DTX2: variants seen among roughly 807,000 people sequenced by gnomAD.
DTX2 encodes the protein deltex E3 ubiquitin ligase 2.
In DTX2, 29 loss-of-function variants were observed where a neutral mutation model predicts 55.3. The observed-to-expected ratio is 0.52, with a 90% CI of 0.39 to 0.71. DTX2 has a LOEUF of 0.71. DTX2 is among the 30% of genes least tolerant of loss of function. The pLI is 0.00. For synonymous variants in DTX2, 276 were observed against 340.4 expected (o/e 0.81, Z 2.08); for missense variants, 537 against 822.5 (o/e 0.65, Z 4.25).
At chr7:76,503,639 G>A (rs768094479) in intron 9 of DTX2, 52 bp downstream of exon 9, 74 of 1,495,508 alleles carry the variant, frequency 4.9e-5, no homozygotes, top group East Asian at 6.9e-5. Flanking sequence ...TTCCCACCCC[G>A]CCCACATCCC....
Position 76,497,338 on chromosome 7 carries a change from C to T in DTX2, c.1011C>T (p.Gly337=), listed in dbSNP as rs760164498. Residue 337 remains glycine (G), a splice_region_variant and synonymous_variant, in exon 6 of 11, where the codon GGC becomes GGT. Transcript: ENST00000430490. ...KPSRVQQALA[G]MTSVLMSAIG... The stretch of plus-strand genomic sequence containing the variant: ...GTGTCTGCTCTCACACCCGTGCAGG[C>T]ATGACGAGTGTTCTGATGTCAGCCA... 2 of 1,613,672 alleles carry T rather than the reference C, an allele frequency of 1.2e-6. No homozygotes were observed. The highest frequency in any genetic ancestry group is 1.7e-6 in the Non-Finnish European group (2 of 1,179,804).
rs1264442931 is a variant in DTX2, at chr7:76,487,889, T to C, written c.909-4264T>C. 9.6e-5 allele frequency among the ~76,000 whole-genome samples: 12 copies of C among 124,976 alleles called. 2 individuals carry two copies. Among genetic ancestry groups the C allele is most frequent in the Non-Finnish European group, 2.1e-4 (12 of 57,036 alleles). 82.0% of individuals were successfully genotyped at this position (124,976 alleles called of 152,430 possible). A position where few individuals can be genotyped will look rare whatever the true frequency, so the allele number is the denominator to read the frequency against. The stretch of plus-strand genomic sequence containing the variant: ...GGAGGAGGGTGCCTGAGGCCATGAC[T>C]ATAGGGACTTCTCAGAGAAGGACAC... On this transcript the variant is annotated intron_variant, in intron 4 of 10. Coordinates refer to ENST00000430490, the MANE Select transcript of DTX2 (RefSeq NM_001102594.3).
chr7:76,464,194 G>A (rs1244141715), intron 2 of DTX2, among the ~76,000 whole-genome samples: 1 of 151,614 alleles, frequency 6.6e-6, no homozygotes, highest in African/African-American at 2.4e-5. Flanking sequence ...GAAGGTGGTA[G>A]TTGAGGGGGG....
chr7:76,504,002 G>T (rs997417839), intron 9 of DTX2, among the ~76,000 whole-genome samples: 1 of 148,592 alleles, frequency 6.7e-6, no homozygotes, highest in Non-Finnish European at 1.5e-5. Flanking sequence ...AGGAGCCCAG[G>T]CACAAGGCCC....
chr7:76,469,780 C>T (rs1344707537), intron 2 of DTX2, among the ~76,000 whole-genome samples: 3 of 150,666 alleles, frequency 2.0e-5, no homozygotes, highest in East Asian at 3.9e-4. Flanking sequence ...CCAGTTTGTC[C>T]GTCGTCAGTC....
chr7:76,498,905 A>G (rs1172290151), intron 6 of DTX2, among the ~76,000 whole-genome samples: 4 of 16,186 alleles, frequency 2.5e-4, no homozygotes, highest in African/African-American at 8.5e-4. Flanking sequence ...GGAGGTGTGG[A>G]GTGTGTGTGG....
In DTX2 at chr7:76,480,782, G is replaced by A; in HGVS notation, c.268+5G>A. On this transcript the variant is annotated splice_donor_5th_base_variant and intron_variant, in intron 3 of 10. Coordinates refer to ENST00000430490, the MANE Select transcript of DTX2 (RefSeq NM_001102594.3). Reference sequence around the variant, plus strand: ...CCCAGTTCCGCCAGGACACCGGTAAGACGCTGTCTGCCTCTCGCACATATC... The same window carrying A: ...CCCAGTTCCGCCAGGACACCGGTAAAACGCTGTCTGCCTCTCGCACATATC... 6.3e-7 allele frequency: 1 copy of A among 1,589,896 alleles called. No individual in the cohort carries two copies. The highest frequency in any genetic ancestry group is 8.6e-7 in the Non-Finnish European group (1 of 1,166,972).
At position 76,505,756 on chromosome 7, in the gene DTX2, C is replaced by G; in HGVS notation, c.*155C>G. 1.3e-6 allele frequency: 1 copy of G among 755,720 alleles called. No homozygotes were observed. Among genetic ancestry groups the G allele is most frequent in the Admixed American group, 2.6e-5 (1 of 38,954 alleles). 46.8% of individuals were successfully genotyped at this position (755,720 alleles called of 1,614,324 possible). ...AAGCCGGGGCTCCCCCTGCCTGCCT[C>G]TCTCTCCTCCTCCCCTCTGGGAATT... On this transcript the variant is annotated 3_prime_UTR_variant, in exon 11 of 11. Coordinates refer to ENST00000430490, the MANE Select transcript of DTX2 (RefSeq NM_001102594.3). The surrounding 1 kb of genome is among the most constrained non-coding windows in gnomAD (Gnocchi z 4.4).
chr7:76,482,424 T>G, intron 3 of DTX2, 84 bp from the exon 4 acceptor site: 9 of 1,375,986 alleles, frequency 6.5e-6, no homozygotes, highest in Non-Finnish European at 9.0e-6. Flanking sequence ...ATTTGTTTAT[T>G]TTGGCGGTTG....
rs533420977 is a variant in DTX2 at position 76,501,440 on chromosome 7, G to A, written c.1231-858G>A. On this transcript the variant is annotated intron_variant, in intron 7 of 10. Coordinates refer to ENST00000430490, the MANE Select transcript of DTX2 (RefSeq NM_001102594.3). ...GTGTGACTGGGCCGTTTCACCCCAG[G>A]CTCCTCCTCTCCAAGCTGCCGTCTG... 913 of 332,948 alleles carry A rather than the reference G, an allele frequency of 2.7e-3. 1 individual carries two copies. Among genetic ancestry groups the A allele is most frequent in the Non-Finnish European group, 4.0e-3 (674 of 169,510 alleles). The allele number at this position is 332,948 out of a possible 1,614,324, so 20.6% of individuals were successfully genotyped here. A position where few individuals can be genotyped will look rare whatever the true frequency, so the allele number is the denominator to read the frequency against.
In DTX2 at chr7:76,505,648, A is replaced by G. The variant is rs373777117; in HGVS notation, c.*47A>G. 1.1e-5 allele frequency: 16 copies of G among 1,521,028 alleles called. No homozygotes were observed. Among genetic ancestry groups the G allele is most frequent in the Middle Eastern group, 1.7e-4 (1 of 5,942 alleles). 94.2% of individuals were successfully genotyped at this position (1,521,028 alleles called of 1,614,324 possible). On this transcript the variant is annotated 3_prime_UTR_variant, in exon 11 of 11. Transcript: ENST00000430490. The surrounding 1 kb of genome is among the most constrained non-coding windows in gnomAD (Gnocchi z 4.4). ...CCTCTGGTGGCCACCCCGCTGCCCCATGGCTGGCTGGGTGGCCAGGCAGGA... is the reference window on the plus strand; with the variant it reads ...CCTCTGGTGGCCACCCCGCTGCCCCGTGGCTGGCTGGGTGGCCAGGCAGGA...
chr7:76,475,159 A>T (rs1808407080), intron 2 of DTX2, among the ~76,000 whole-genome samples: 1 of 151,866 alleles, frequency 6.6e-6, no homozygotes, highest in South Asian at 2.1e-4. Flanking sequence ...ACAAAAAAAA[A>T]AATTAGCCGG....
At chr7:76,471,268 T>G (rs1385050165) in intron 2 of DTX2, among the ~76,000 whole-genome samples, 2 of 143,272 alleles carry the variant, frequency 1.4e-5, no homozygotes, top group African/African-American at 2.6e-5. Context: ...TTCACGCCAT[T>G]CTCCTGCCTC....
intron 5 of DTX2, among the ~76,000 whole-genome samples, chr7:76,495,701 G>T (rs1303479434): frequency 6.6e-6 from 1 of 151,176 alleles, no homozygotes; most frequent in Non-Finnish European, 1.5e-5. Context: ...TGCAGCTACG[G>T]GTGGGACCTC....
At chr7:76,466,436 C>T (rs1468256126) in intron 2 of DTX2, among the ~76,000 whole-genome samples, 1 of 150,870 alleles carries the variant, frequency 6.6e-6, no homozygotes. Context: ...TTTTAAAAAA[C>T]TTTAAAAAGT....
At chr7:76,503,074 T>C in intron 8 of DTX2, 2 of 323,050 alleles carry the variant, frequency 6.2e-6, no homozygotes, top group South Asian at 1.3e-4. Flanking sequence ...TTCCCTAGTG[T>C]CTGCCATCCT....
chr7:76,463,128 CAG>C (rs1283174705), intron 1 of DTX2, among the ~76,000 whole-genome samples: 1 of 150,002 alleles, frequency 6.7e-6, no homozygotes. Flanking sequence ...GAAAAGGGCT[CAG>C]AGCCAGGCGT....
In DTX2 at chr7:76,505,192, C is replaced by A. The variant is rs1485446992; in HGVS notation, c.1642-182C>A. Among the ~76,000 whole-genome samples the A allele has an allele frequency of 7.2e-5, 11 of 152,064 alleles. No homozygotes were observed. The highest frequency in any genetic ancestry group is 7.2e-4 in the Admixed American group (11 of 15,276). On this transcript the variant is annotated intron_variant, in intron 10 of 10. Coordinates refer to ENST00000430490, the MANE Select transcript of DTX2 (RefSeq NM_001102594.3). This position sits in a 1 kb window ranked among gnomAD's most constrained non-coding sequence, Gnocchi z 4.4. Reference sequence around the variant, plus strand: ...GCTGGAGCCCAGGTTCATGTGGGATCCTAATGTACTATCCAGTGGGCAGTT... The same window carrying A: ...GCTGGAGCCCAGGTTCATGTGGGATACTAATGTACTATCCAGTGGGCAGTT...
At chr7:76,500,972 GC>G (rs1811598829) in intron 7 of DTX2, among the ~76,000 whole-genome samples, 1 of 152,160 alleles carries the variant, frequency 6.6e-6, no homozygotes, top group Non-Finnish European at 1.5e-5. Flanking sequence ...CAGGCTCAGT[GC>G]AGTGGCGTGA....
Sources: gnomAD v4.1 joint callset for allele counts (sites outside exome capture counted in the v4.1 genomes callset) on GRCh38, gnomAD v4.1.1 for gene constraint, Gnocchi (gnomAD v3.1) non-coding constraint, MANE v1.5 for transcripts, NCBI Gene and HGNC (gene_info 2026-07-23, HGNC 2026-07-21) for gene names.